Variants in PRKG2 observed in about 807,000 individuals in gnomAD.
PRKG2 encodes the protein protein kinase cGMP-dependent 2.
In PRKG2, 33 loss-of-function variants were observed where a neutral mutation model predicts 97.2. The observed-to-expected ratio is 0.34, with a 90% confidence interval of 0.26 to 0.45. The LOEUF is 0.45. Among genes scored for constraint, PRKG2 ranks in the 20% least tolerant of loss-of-function variants. The probability of loss-of-function intolerance (pLI) is 1.00; values close to 1 mark genes in which losing one functional copy is unlikely to be tolerated. For missense variants in PRKG2, 638 were observed against 900.0 expected, an observed-to-expected ratio of 0.71 and a Z score of 3.73; for synonymous variants, 330 against 321.8, an observed-to-expected ratio of 1.03 and a Z score of -0.27.
At position 81,204,897 on chromosome 4, in the gene PRKG2, A is replaced by C. The variant is rs1560628512; in HGVS notation, c.151T>G (p.Leu51Val). Residue 51 changes from leucine to valine, a missense_variant, in exon 2 of 19, where the codon TTG (leucine) becomes GTG (valine). Coordinates refer to ENST00000264399, the MANE Select transcript of PRKG2 (RefSeq NM_006259.3). ...GACAGCTGCTCCCGCAGCTCCTTCA[A>C]ATGGTACTCCCGCTCCTGGATCTCA... ...DAEIQEREYH[L>V]KELREQLSKQ... 1 of 1,614,076 alleles carries C rather than the reference A, an allele frequency of 6.2e-7. No individual in the cohort carries two copies. Among genetic ancestry groups the C allele is most frequent in the African/African-American group, 1.3e-5 (1 of 75,004 alleles).
intron 14 of PRKG2, among the ~76,000 whole-genome samples, chr4:81,115,023 A>AT (rs1744372683): frequency 6.6e-6 from 1 of 152,136 alleles, no homozygotes; most frequent in South Asian, 2.1e-4. Flanking sequence ...CATAGCATGA[A>AT]TTTTTGTCCA....
intron 10 of PRKG2, among the ~76,000 whole-genome samples, chr4:81,143,568 T>C (rs1401951201): frequency 6.6e-6 from 1 of 152,188 alleles, no homozygotes; most frequent in African/African-American, 2.4e-5. Context: ...TCATAAATTA[T>C]TACCACAAAA....
In PRKG2 at chr4:81,092,386, C is replaced by T; in HGVS notation, c.2193G>A (p.Glu731=). 2.6e-6 allele frequency: 4 copies of T among 1,560,746 alleles called. No homozygotes were observed. The highest frequency in any genetic ancestry group is 1.8e-6 in the Non-Finnish European group (2 of 1,141,082). Reference sequence around the variant, plus strand: ...AAAAGTAATATAATAAATACAATACCTCTCTTTGCAAAGGTGATGGAAGGC... The same window carrying T: ...AAAAGTAATATAATAAATACAATACTTCTCTTTGCAAAGGTGATGGAAGGC... ...ARSLPSPLQR[E]LKGPIDHSYF... Residue 731 remains glutamate (E), a splice_region_variant and synonymous_variant, in exon 18 of 19, where the codon GAG becomes GAA. Coordinates refer to ENST00000264399, the MANE Select transcript of PRKG2 (RefSeq NM_006259.3).
At chr4:81,112,967 G>A (rs1009216471) in intron 14 of PRKG2, among the ~76,000 whole-genome samples, 15 of 152,090 alleles carry the variant, frequency 9.9e-5, no homozygotes, top group East Asian at 1.9e-4. Flanking sequence ...TCACTGAGGC[G>A]GTAGCATTTG....
At position 81,122,146 on chromosome 4, in the gene PRKG2, A is replaced by G. The variant is rs563358669; in HGVS notation, c.1777-11535T>C. Reference sequence around the variant, plus strand: ...CAAGTTTTCTCCTGAAGAATTGCAAAAAAGGCTAGCTATTATATAAATGCT... The same window carrying G: ...CAAGTTTTCTCCTGAAGAATTGCAAGAAAGGCTAGCTATTATATAAATGCT... On this transcript the variant is annotated intron_variant, in intron 14 of 18. Coordinates refer to ENST00000264399, the MANE Select transcript of PRKG2 (RefSeq NM_006259.3). Among the ~76,000 whole-genome samples, 23 of 152,370 alleles carry G rather than the reference A, an allele frequency of 1.5e-4. No homozygotes were observed. The South Asian group carries it at 4.8e-3, about 32-fold the overall frequency.
Position 81,204,890 on chromosome 4 carries a change from T to A in PRKG2, c.158A>T (p.Glu53Val), listed in dbSNP as rs1271233219. 6.2e-7 allele frequency: 1 copy of A among 1,614,202 alleles called. No homozygotes were observed. The highest frequency in any genetic ancestry group is 8.5e-7 in the Non-Finnish European group (1 of 1,180,028). ...CTGCTTCGACAGCTGCTCCCGCAGC[T>A]CCTTCAAATGGTACTCCCGCTCCTG... ...EIQEREYHLK[E>V]LREQLSKQTV... Residue 53 changes from glutamate to valine, a missense_variant, in exon 2 of 19, where the codon GAG becomes GTG. Transcript: ENST00000264399.
In PRKG2 at chr4:81,140,612, T is replaced by C. The variant is rs1747187283; in HGVS notation, c.1465A>G (p.Ile489Val). 10 of 1,612,844 alleles carry C rather than the reference T, an allele frequency of 6.2e-6. No homozygotes were observed. The highest frequency in any genetic ancestry group is 7.6e-6 in the Non-Finnish European group (9 of 1,178,994). Residue 489 changes from isoleucine to valine, a missense_variant, in exon 12 of 19, where the codon ATA (isoleucine) becomes GTA (valine). Ile to Val is a conservative substitution (Grantham distance 29, BLOSUM62 3). Transcript: ENST00000264399. ...TGCTCCTGCTGCTTGGTGTCAACTATGTGCTTCTTCCTTATACACTTCATA... is the reference window on the plus strand; with the variant it reads ...TGCTCCTGCTGCTTGGTGTCAACTACGTGCTTCTTCCTTATACACTTCATA... ...FAMKCIRKKH[I>V]VDTKQQEHVY...
chr4:81,197,243 G>A (rs896749300), intron 2 of PRKG2, among the ~76,000 whole-genome samples: 1 of 152,072 alleles, frequency 6.6e-6, no homozygotes, highest in African/African-American at 2.4e-5. Flanking sequence ...CAAGGAATGG[G>A]CAGTGTCCAG....
At chr4:81,178,917 G>A (rs1751160934) in intron 2 of PRKG2, among the ~76,000 whole-genome samples, 3 of 151,972 alleles carry the variant, frequency 2.0e-5, no homozygotes, top group Non-Finnish European at 2.9e-5. Context: ...ACAAAGTCAA[G>A]AGATAGAGAC....
chr4:81,133,617 G>A (rs1430121411), intron 14 of PRKG2, among the ~76,000 whole-genome samples: 1 of 152,090 alleles, frequency 6.6e-6, no homozygotes, highest in African/African-American at 2.4e-5. Context: ...ACATTTTGTA[G>A]TAAGAGGATT....
chr4:81,206,039 GAAGACTA>G (rs1355982410), intron 1 of PRKG2, among the ~76,000 whole-genome samples: 2 of 152,142 alleles, frequency 1.3e-5, no homozygotes, highest in African/African-American at 4.8e-5. Context: ...TTGCTTCAGT[GAAGACTA>G]AACTAGGTAT....
chr4:81,101,800 T>G (rs1055257472), intron 17 of PRKG2, among the ~76,000 whole-genome samples: 2 of 152,060 alleles, frequency 1.3e-5, no homozygotes, highest in Non-Finnish European at 2.9e-5. Flanking sequence ...AAAAAAGTTT[T>G]ACTTTAGAAG....
Position 81,089,664 on chromosome 4 carries a change from G to A in PRKG2, c.*44C>T. On this transcript the variant is annotated 3_prime_UTR_variant, in exon 19 of 19. Transcript: ENST00000264399. ...AATGTGTTGGATTATTGATCCTTGA[G>A]GTCCTCTTCTGTAGAGTACAGGCAG... 5 of 1,347,348 alleles carry A rather than the reference G, an allele frequency of 3.7e-6. No homozygotes were observed. Among genetic ancestry groups the A allele is most frequent in the Non-Finnish European group, 5.3e-6 (5 of 948,754 alleles). 83.5% of individuals were successfully genotyped at this position (1,347,348 alleles called of 1,614,324 possible). A position where few individuals can be genotyped will look rare whatever the true frequency, so the allele number is the denominator to read the frequency against.
At chr4:81,138,315 C>A (rs1213781344) in intron 12 of PRKG2, among the ~76,000 whole-genome samples, 1 of 152,054 alleles carries the variant, frequency 6.6e-6, no homozygotes, top group Non-Finnish European at 1.5e-5. Context: ...CATCAAGAGA[C>A]CCCCTTTTCT....
chr4:81,183,537 T>C (rs1751603621), intron 2 of PRKG2, among the ~76,000 whole-genome samples: 1 of 151,974 alleles, frequency 6.6e-6, no homozygotes, highest in African/African-American at 2.4e-5. Context: ...ACCAGGGCCC[T>C]GGGTTTCAAG....
chr4:81,184,515 T>C (rs955538936), intron 2 of PRKG2, among the ~76,000 whole-genome samples: 5 of 152,014 alleles, frequency 3.3e-5, no homozygotes, highest in Non-Finnish European at 5.9e-5. Context: ...CCAAAGTAGA[T>C]AAATCCATGA....
At chr4:81,110,329 T>C in intron 15 of PRKG2, 119 bp downstream of exon 15, 1 of 1,066,190 alleles carries the variant, frequency 9.4e-7, no homozygotes, top group Non-Finnish European at 1.3e-6. Context: ...AAAGGTATCA[T>C]ACTTAATCGA....
chr4:81,188,045 T>G (rs1271388395), intron 2 of PRKG2, among the ~76,000 whole-genome samples: 1 of 152,104 alleles, frequency 6.6e-6, no homozygotes, highest in Non-Finnish European at 1.5e-5. Context: ...ACTAAAGAGC[T>G]TCTGCATAGC....
chr4:81,119,396 A>C (rs1264904355), intron 14 of PRKG2, among the ~76,000 whole-genome samples: 1 of 152,148 alleles, frequency 6.6e-6, no homozygotes, highest in Non-Finnish European at 1.5e-5. Flanking sequence ...TGCTTTGCTT[A>C]TTTGTCAAAC....
Sources: gnomAD v4.1 joint callset for allele counts (sites outside exome capture counted in the v4.1 genomes callset) on GRCh38, gnomAD v4.1.1 for gene constraint, MANE v1.5 for transcripts, NCBI Gene and HGNC (gene_info 2026-07-23, HGNC 2026-07-21) for gene names.